The following GALNTL6 variants were observed in gnomAD, a reference collection of about 807,000 sequenced individuals.
GALNTL6 encodes the protein polypeptide N-acetylgalactosaminyltransferase like 6.
In GALNTL6, 46 loss-of-function variants were observed where a neutral mutation model predicts 73.7. That is an observed-to-expected ratio of 0.62 (90% CI 0.49 to 0.80). GALNTL6 has a LOEUF of 0.80. Ranked by LOEUF, GALNTL6 falls within the 30% of genes least tolerant of loss-of-function variation. The probability of loss-of-function intolerance (pLI) is 0.00; values close to 1 mark genes in which losing one functional copy is unlikely to be tolerated. For missense variants in GALNTL6, 604 were observed against 755.0 expected (o/e 0.80, Z 2.34); for synonymous variants, 259 against 263.7 (o/e 0.98, Z 0.17).
intron 2 of GALNTL6, among the ~76,000 whole-genome samples, chr4:171,835,138 T>C (rs1735067432): frequency 6.6e-6 from 1 of 152,050 alleles, no homozygotes; most frequent in Admixed American, 6.6e-5. Flanking sequence ...CAAAAGGATT[T>C]ATGAGGTCAT....
intron 10 of GALNTL6, among the ~76,000 whole-genome samples, chr4:173,004,413 G>C (rs2126483110): frequency 6.6e-6 from 1 of 152,270 alleles, no homozygotes; most frequent in Non-Finnish European, 1.5e-5. Context: ...GATCATCTGA[G>C]GTCAGGAGTT....
intron 5 of GALNTL6, among the ~76,000 whole-genome samples, chr4:172,552,498 T>C (rs1359077230): frequency 6.6e-6 from 1 of 152,084 alleles, no homozygotes; most frequent in African/African-American, 2.4e-5. Context: ...ATATATAACC[T>C]TTAGTTAATA....
chr4:172,750,019 A>G (rs1487740661), intron 5 of GALNTL6, among the ~76,000 whole-genome samples: 4 of 152,198 alleles, frequency 2.6e-5, no homozygotes, highest in Non-Finnish European at 5.9e-5. Context: ...GCACTACTAA[A>G]TGATTTAGTT....
intron 11 of GALNTL6, among the ~76,000 whole-genome samples, chr4:173,014,741 C>T (rs1057009583): frequency 1.3e-5 from 2 of 152,132 alleles, no homozygotes; most frequent in Non-Finnish European, 1.5e-5. Flanking sequence ...TGTCTCAAGT[C>T]AGGTAGCAAG....
At chr4:172,778,107 C>A (rs1468230058) in intron 5 of GALNTL6, among the ~76,000 whole-genome samples, 1 of 152,212 alleles carries the variant, frequency 6.6e-6, no homozygotes, top group African/African-American at 2.4e-5. Flanking sequence ...AAATTGTTTC[C>A]AACAGTAAGT....
At chr4:172,021,858 T>C (rs1488440840) in intron 2 of GALNTL6, among the ~76,000 whole-genome samples, 2 of 152,084 alleles carry the variant, frequency 1.3e-5, no homozygotes, top group Non-Finnish European at 2.9e-5. Context: ...GTTCAATAAA[T>C]GGTCCTAGAA....
chr4:172,120,553 CT>C (rs915883412), intron 2 of GALNTL6, among the ~76,000 whole-genome samples: 10 of 151,918 alleles, frequency 6.6e-5, no homozygotes, highest in African/African-American at 2.2e-4. Flanking sequence ...CTGCAAAGTT[CT>C]TTTTCCATGT....
rs543853100 is a variant in GALNTL6 at position 172,047,021 on chromosome 4, A to AT, written c.139-182631dup. Among the ~76,000 whole-genome samples, 337 of 152,212 alleles carry AT rather than the reference A, an allele frequency of 2.2e-3. 1 individual carries two copies. Among genetic ancestry groups the AT allele is most frequent in the Non-Finnish European group, 4.2e-3 (287 of 67,996 alleles). ...AGGGGATGAGGTTCTATATTCTGAG[A>AT]TTTTCTTTGAGAAAACTCCCATTCA... On this transcript the variant is annotated intron_variant, in intron 2 of 12. Coordinates refer to ENST00000506823, the MANE Select transcript of GALNTL6 (RefSeq NM_001034845.3).
intron 2 of GALNTL6, among the ~76,000 whole-genome samples, chr4:172,050,581 C>T (rs921281111): frequency 6.6e-6 from 1 of 152,066 alleles, no homozygotes; most frequent in African/African-American, 2.4e-5. Context: ...TCCTTAGCAC[C>T]CCTTTATCTG....
chr4:172,180,055 C>T (rs897997435), intron 2 of GALNTL6, among the ~76,000 whole-genome samples: 15 of 152,206 alleles, frequency 9.9e-5, no homozygotes, highest in African/African-American at 2.7e-4. Flanking sequence ...AATTTACACT[C>T]GCACCAACAG....
chr4:173,028,032 A>G (rs2126528679), intron 12 of GALNTL6, among the ~76,000 whole-genome samples: 1 of 152,322 alleles, frequency 6.6e-6, no homozygotes, highest in South Asian at 2.1e-4. Flanking sequence ...TAAAAACTAT[A>G]GAGGGATCCA....
intron 2 of GALNTL6, among the ~76,000 whole-genome samples, chr4:171,948,904 G>A (rs1267187769): frequency 6.6e-6 from 1 of 151,810 alleles, no homozygotes; most frequent in Non-Finnish European, 1.5e-5. Flanking sequence ...AAAGTCAATT[G>A]CAGAATAATA....
At chr4:172,086,103 C>T (rs1423865090) in intron 2 of GALNTL6, among the ~76,000 whole-genome samples, 2 of 152,066 alleles carry the variant, frequency 1.3e-5, no homozygotes, top group African/African-American at 4.8e-5. Flanking sequence ...ATTCTCTCGG[C>T]TGGCATTATT....
intron 2 of GALNTL6, among the ~76,000 whole-genome samples, chr4:171,954,006 G>A (rs895429512): frequency 1.3e-5 from 2 of 152,138 alleles, no homozygotes; most frequent in African/African-American, 4.8e-5. Flanking sequence ...TCACTGTCTA[G>A]TAAGGTTGAT....
chr4:172,775,546 G>A (rs548163941), intron 5 of GALNTL6, among the ~76,000 whole-genome samples: 8 of 152,132 alleles, frequency 5.3e-5, no homozygotes, highest in Non-Finnish European at 1.2e-4. Flanking sequence ...TTGACCCAGA[G>A]AATATCCATC....
intron 3 of GALNTL6, among the ~76,000 whole-genome samples, chr4:172,235,347 A>G (rs1438371335): frequency 6.6e-6 from 1 of 152,060 alleles, no homozygotes; most frequent in Non-Finnish European, 1.5e-5. Context: ...AGCTTGGACT[A>G]CAGATATGCA....
At chr4:171,890,695 T>A (rs915052510) in intron 2 of GALNTL6, among the ~76,000 whole-genome samples, 2 of 152,168 alleles carry the variant, frequency 1.3e-5, no homozygotes, top group African/African-American at 4.8e-5. Context: ...CACTTAAGAT[T>A]ACTTTTTATT....
chr4:172,328,243 C>G (rs2111176168), intron 4 of GALNTL6, among the ~76,000 whole-genome samples: 1 of 152,114 alleles, frequency 6.6e-6, no homozygotes, highest in Admixed American at 6.5e-5. Flanking sequence ...TGTAGAGTTT[C>G]TGCTGAGAGG....
chr4:171,966,984 A>C (rs1739402721), intron 2 of GALNTL6, among the ~76,000 whole-genome samples: 3 of 152,210 alleles, frequency 2.0e-5, no homozygotes, highest in Admixed American at 2.0e-4. Context: ...AGATACTCCA[A>C]ATAGCTCTAA....
Sources: allele counts gnomAD v4.1 joint callset (sites outside exome capture counted in the v4.1 genomes callset), GRCh38; gene constraint gnomAD v4.1.1; transcripts MANE v1.5; gene names NCBI Gene and HGNC (gene_info 2026-07-23, HGNC 2026-07-21).